The following ANKHD1 variants were observed in gnomAD, a reference collection of about 807,000 sequenced individuals.
ANKHD1 encodes the protein ankyrin repeat and KH domain containing 1.
Under a neutral mutation model 230.5 loss-of-function variants are expected in ANKHD1, and 31 were observed. The ratio of observed to expected loss-of-function variants is 0.13; its 90% CI spans 0.10 to 0.18. ANKHD1 has a LOEUF of 0.18. ANKHD1 is among the 10% of genes least tolerant of loss of function. The pLI is 1.00. For missense variants in ANKHD1, 2,256 were observed against 3,071.3 expected (o/e 0.73, Z 6.27); for synonymous variants, 1,074 against 1,117.6 (o/e 0.96, Z 0.78).
At chr5:140,487,100 T>C (rs764845114) in intron 14 of ANKHD1, 40 bp downstream of exon 14, 2 of 1,582,190 alleles carry the variant, frequency 1.3e-6, no homozygotes, top group African/African-American at 1.4e-5. Context: ...GGGTATTTTT[T>C]CACCTAATTG....
intron 15 of ANKHD1, 141 bp from the exon 16 acceptor site, chr5:140,504,680 T>C: frequency 9.1e-7 from 1 of 1,104,692 alleles, no homozygotes; most frequent in Non-Finnish European, 1.2e-6. Context: ...TATTTAAATG[T>C]AGGTCTGTCT....
At chr5:140,537,344 C>T (rs747931349) in intron 30 of ANKHD1, 45 bp from the exon 31 acceptor site, 1 of 1,606,610 alleles carries the variant, frequency 6.2e-7, no homozygotes, top group African/African-American at 1.3e-5. Context: ...CCAGGTGACT[C>T]TCCTATTCCA....
At chr5:140,464,594 C>T in intron 9 of ANKHD1, 73 bp from the exon 10 acceptor site, 2 of 1,274,120 alleles carry the variant, frequency 1.6e-6, no homozygotes, top group Non-Finnish European at 2.1e-6. Flanking sequence ...TCAGTTTCAC[C>T]AGATTGCAAA....
At chr5:140,526,504 A>G (rs1753611496) in intron 26 of ANKHD1, 61 bp downstream of exon 26, 1 of 1,525,830 alleles carries the variant, frequency 6.6e-7, no homozygotes, top group African/African-American at 1.4e-5. Context: ...CTGGTACAAG[A>G]ATTTGAAGTA....
intron 9 of ANKHD1, among the ~76,000 whole-genome samples, chr5:140,463,727 C>T (rs1277459940): frequency 2.6e-5 from 4 of 152,042 alleles, no homozygotes; most frequent in Non-Finnish European, 5.9e-5. Context: ...ATGATCTGGG[C>T]TCACTGTAAC....
At chr5:140,523,772 A>G (rs1753475552) in intron 24 of ANKHD1, among the ~76,000 whole-genome samples, 1 of 151,910 alleles carries the variant, frequency 6.6e-6, no homozygotes, top group East Asian at 1.9e-4. Flanking sequence ...TGTTGGCTAC[A>G]TTAGTCTCGA....
chr5:140,483,746 C>T (rs1380040979), intron 11 of ANKHD1, among the ~76,000 whole-genome samples: 4 of 152,236 alleles, frequency 2.6e-5, no homozygotes, highest in African/African-American at 9.6e-5. Context: ...GCATGAGCCA[C>T]TGCACCTGGC....
intron 1 of ANKHD1, among the ~76,000 whole-genome samples, chr5:140,422,237 C>T (rs59551824): frequency 0.2 from 29,628 of 151,854 alleles, 3,373 homozygotes; most frequent in East Asian, 0.29. Context: ...ATTCTCCTAC[C>T]GCACCCTCCC....
At chr5:140,474,368 C>T (rs112777976) in intron 10 of ANKHD1, among the ~76,000 whole-genome samples, 2,468 of 152,176 alleles carry the variant, frequency 0.016, 74 homozygotes, top group African/African-American at 0.056. Flanking sequence ...GGTCTTTCTC[C>T]TTAGAGAATG....
chr5:140,443,245 A>G (rs1428789351), intron 5 of ANKHD1, among the ~76,000 whole-genome samples: 2 of 152,122 alleles, frequency 1.3e-5, no homozygotes, highest in Non-Finnish European at 2.9e-5. Flanking sequence ...AGGTTGTGTA[A>G]TATTTCCTTG....
Position 140,537,543 on chromosome 5 carries a change from C to T in ANKHD1, c.7182C>T (p.Pro2394=), listed in dbSNP as rs752232911. 9.9e-6 allele frequency: 16 copies of T among 1,609,736 alleles called. No individual in the cohort carries two copies. Among genetic ancestry groups the T allele is most frequent in the South Asian group, 2.2e-5 (2 of 90,434 alleles). ...CGGCGGGGACCAGTTTTGTCGCTCC[C>T]GTTGGACACAGTGGAATCTGGTCAT... ...QAPAGTSFVA[P]VGHSGIWSFG... is the part of the protein sequence containing the mutation. Residue 2394 remains proline (P), a synonymous_variant, in exon 31 of 34, where the codon CCC becomes CCT. Transcript: ENST00000360839.
At chr5:140,458,928 A>G (rs1191166201) in intron 8 of ANKHD1, 66 bp downstream of exon 8, 2 of 920,980 alleles carry the variant, frequency 2.2e-6, no homozygotes, top group Non-Finnish European at 3.0e-6. Context: ...AGTACTGGTG[A>G]AGTTTACTAC....
chr5:140,501,107 T>G (rs1474443240), intron 15 of ANKHD1, among the ~76,000 whole-genome samples: 1 of 150,546 alleles, frequency 6.6e-6, no homozygotes, highest in Non-Finnish European at 1.5e-5. Context: ...TTGTTTTTTT[T>G]TTTTTTTGAG....
chr5:140,490,344 A>G (rs1221997360), intron 14 of ANKHD1, among the ~76,000 whole-genome samples: 1 of 152,084 alleles, frequency 6.6e-6, no homozygotes, highest in East Asian at 1.9e-4. Flanking sequence ...AATCTTACCC[A>G]GGTGTTTGAT....
chr5:140,422,682 C>T (rs1341282141), intron 1 of ANKHD1, among the ~76,000 whole-genome samples: 3 of 150,842 alleles, frequency 2.0e-5, no homozygotes, highest in Non-Finnish European at 3.0e-5. Flanking sequence ...TAGTGGTACG[C>T]ACCTGTAATC....
intron 9 of ANKHD1, among the ~76,000 whole-genome samples, chr5:140,464,432 T>C (rs1775944368): frequency 6.6e-6 from 1 of 152,192 alleles, no homozygotes; most frequent in African/African-American, 2.4e-5. Context: ...CCTTAGGGTA[T>C]ATCTTACTAC....
At chr5:140,484,886 G>GA (rs1204241021) in intron 11 of ANKHD1, 1 of 491,788 alleles carries the variant, frequency 2.0e-6, no homozygotes, top group Non-Finnish European at 3.0e-6. Context: ...GGTAGTGACT[G>GA]AAAGGGAGCA....
In ANKHD1 at chr5:140,458,965, TATATATATATATATGC is replaced by T. The variant is rs773369317; in HGVS notation, c.1480+134_1480+149del. ...GCTAGCATATATATATATATATATA[TATATATATATATATGC>T]ATATATATATATATGCATATATATA... On this transcript the variant is annotated intron_variant, in intron 8 of 33. Transcript: ENST00000360839. The T allele has an allele frequency of 1.9e-3, 49 of 26,120 alleles. 1 individual carries two copies. Among genetic ancestry groups the T allele is most frequent in the South Asian group, 3.2e-3 (2 of 624 alleles). The allele number at this position is 26,120 out of a possible 1,614,324, so 1.6% of individuals were successfully genotyped here. A position where few individuals can be genotyped will look rare whatever the true frequency, so the allele number is the denominator to read the frequency against.
At chr5:140,477,447 A>G (rs902064435) in intron 10 of ANKHD1, among the ~76,000 whole-genome samples, 16 of 152,174 alleles carry the variant, frequency 1.1e-4, no homozygotes, top group Non-Finnish European at 2.4e-4. Context: ...TTTCCAATAC[A>G]TGGAATATTT....
Sources: gnomAD v4.1 joint callset for allele counts (sites outside exome capture counted in the v4.1 genomes callset) on GRCh38, gnomAD v4.1.1 for gene constraint, MANE v1.5 for transcripts, NCBI Gene and HGNC (gene_info 2026-07-23, HGNC 2026-07-21) for gene names.